CSMD3: variants seen among roughly 807,000 people sequenced by gnomAD.
The protein encoded by CSMD3 is CUB and sushi domain-containing protein 3.
A neutral mutation model predicts 435.2 loss-of-function variants in CSMD3; 177 were observed. That is an observed-to-expected ratio of 0.41 (90% confidence interval 0.36 to 0.46). The LOEUF (loss-of-function observed/expected upper bound fraction) is 0.46. Among genes scored for constraint, CSMD3 ranks in the 20% least tolerant of loss-of-function variants. The pLI is 0.34. For synonymous variants in CSMD3, 1,656 were observed against 1,520.5 expected (o/e 1.09, Z -2.07); for missense variants, 4,265 against 4,504.6 (o/e 0.95, Z 1.52).
intron 32 of CSMD3, among the ~76,000 whole-genome samples, chr8:112,467,631 A>G (rs538098546): frequency 6.6e-6 from 1 of 152,180 alleles, no homozygotes; most frequent in African/African-American, 2.4e-5. Context: ...GGGATTTTGC[A>G]GATGTGATTA....
intron 35 of CSMD3, among the ~76,000 whole-genome samples, chr8:112,391,350 T>C (rs1005258953): frequency 2.0e-5 from 3 of 152,140 alleles, no homozygotes; most frequent in Non-Finnish European, 2.9e-5. Context: ...ATTCTACAGC[T>C]GAGGCAATCA....
Position 112,545,429 on chromosome 8 carries a change from C to G in CSMD3, c.4564+5242G>C, listed in dbSNP as rs190579985. Reference sequence around the variant, plus strand: ...GCCCGGGAGGTGTAGGTTGCAGTGACCCAAGATCGTGCCACTGCACTCCAG... The same window carrying G: ...GCCCGGGAGGTGTAGGTTGCAGTGAGCCAAGATCGTGCCACTGCACTCCAG... On this transcript the variant is annotated intron_variant, in intron 27 of 70. Transcript: ENST00000297405. 4.2e-3 allele frequency among the ~76,000 whole-genome samples: 570 copies of G among 135,870 alleles called. 1 individual carries two copies. Among genetic ancestry groups the G allele is most frequent in the African/African-American group, 0.015 (543 of 35,550 alleles). The allele number at this position is 135,870 out of a possible 152,430, so 89.1% of individuals were successfully genotyped here. A position where few individuals can be genotyped will look rare whatever the true frequency, so the allele number is the denominator to read the frequency against.
At chr8:113,114,246 G>T (rs2090755564) in intron 4 of CSMD3, among the ~76,000 whole-genome samples, 1 of 152,146 alleles carries the variant, frequency 6.6e-6, no homozygotes, top group East Asian at 1.9e-4. Context: ...GGAAGCCACT[G>T]CTGAACTTAG....
chr8:112,949,994 T>A (rs961390278), intron 8 of CSMD3, among the ~76,000 whole-genome samples: 3 of 152,018 alleles, frequency 2.0e-5, no homozygotes, highest in South Asian at 2.1e-4. Context: ...ATTTTTTCCA[T>A]GTTATTCTAA....
chr8:112,763,921 C>T (rs2077910290), intron 13 of CSMD3, among the ~76,000 whole-genome samples: 1 of 151,138 alleles, frequency 6.6e-6, no homozygotes, highest in Non-Finnish European at 1.5e-5. Context: ...AGCTCCATAT[C>T]TAAAAAATTC....
rs116916726 is a variant in CSMD3 at position 112,928,105 on chromosome 8, T to C, written c.1509-6354A>G. Among the ~76,000 whole-genome samples, 146 of 152,286 alleles carry C rather than the reference T, an allele frequency of 9.6e-4. 4 individuals carry two copies. In the East Asian group the frequency reaches 0.026, roughly 28 times the overall value. On this transcript the variant is annotated intron_variant, in intron 9 of 70. Transcript: ENST00000297405. ...TACATCCTTCTTCTTGTAGATTTACTTCCTCTACTTATATACTTCTATGAA... is the reference window on the plus strand; with the variant it reads ...TACATCCTTCTTCTTGTAGATTTACCTCCTCTACTTATATACTTCTATGAA...
Position 112,689,888 on chromosome 8 carries a change from G to T in CSMD3, c.2135C>A (p.Ala712Glu), listed in dbSNP as rs773031715. ...CTCACAGATACAGATGGGTATGTTT[G>T]CAGACCATTGGTTATTCTCTTGACA... ...IVCQENNQWS[A>E]NIPICIFPCL... Residue 712 changes from alanine (A) to glutamate (E), a missense_variant, in exon 14 of 71, where the codon GCA becomes GAA. Around this residue, in one of 3 missense-constraint regions of CSMD3, gnomAD observed 279 missense variants for 369.0 expected, o/e 0.76. Transcript: ENST00000297405. The T allele has an allele frequency of 3.1e-6, 5 of 1,613,172 alleles. No homozygotes were observed. The South Asian group carries it at 4.4e-5, about 14-fold the overall frequency.
At chr8:112,285,341 C>G (rs1479869319) in intron 58 of CSMD3, among the ~76,000 whole-genome samples, 1 of 152,072 alleles carries the variant, frequency 6.6e-6, no homozygotes, top group Non-Finnish European at 1.5e-5. Flanking sequence ...AGTTTAGTCT[C>G]TCTTACTGTA....
In CSMD3 at chr8:112,552,619, C is replaced by T. The variant is rs1186599751; in HGVS notation, c.4336G>A (p.Glu1446Lys). ...DNNLRCMWMI[E>K]VDPGNIVSLQ... The stretch of plus-strand genomic sequence containing the variant: ...CTGACAATATTTCCAGGATCTACCT[C>T]AATCATCCACATGCAACGCAGGTTA... The change falls in exon 26 of 71, where the codon GAG (glutamate) becomes AAG (lysine). Residue 1446 changes from glutamate (E) to lysine (K), a missense_variant. By Grantham distance (56) the Glu-to-Lys change is moderately conservative. Around this residue, in one of 3 missense-constraint regions of CSMD3, gnomAD observed 3,255 missense variants for 3,380.2 expected, o/e 0.96. Transcript: ENST00000297405. 3 of 1,612,290 alleles carry T rather than the reference C, an allele frequency of 1.9e-6. No homozygotes were observed. Among genetic ancestry groups the T allele is most frequent in the Non-Finnish European group, 2.5e-6 (3 of 1,178,956 alleles).
intron 8 of CSMD3, among the ~76,000 whole-genome samples, chr8:112,950,381 C>G (rs1392953989): frequency 6.6e-6 from 1 of 151,704 alleles, no homozygotes; most frequent in East Asian, 1.9e-4. Context: ...TGACTTAAGC[C>G]TAACTACTTT....
chr8:113,081,908 G>A (rs1242571213), intron 5 of CSMD3, among the ~76,000 whole-genome samples: 1 of 152,112 alleles, frequency 6.6e-6, no homozygotes, highest in East Asian at 1.9e-4. Flanking sequence ...CAGATCCTGA[G>A]AGCCACGTAC....
chr8:112,776,079 A>G (rs1352384660), intron 13 of CSMD3, among the ~76,000 whole-genome samples: 1 of 151,836 alleles, frequency 6.6e-6, no homozygotes, highest in African/African-American at 2.4e-5. Flanking sequence ...AGGAGAAAAT[A>G]GATTTTTCAG....
intron 13 of CSMD3, among the ~76,000 whole-genome samples, chr8:112,716,685 G>T (rs1182907262): frequency 6.6e-6 from 1 of 152,082 alleles, no homozygotes; most frequent in African/African-American, 2.4e-5. Flanking sequence ...ATACTACAAG[G>T]CTACGATTAC....
chr8:112,525,044 T>C (rs896425839), intron 27 of CSMD3, among the ~76,000 whole-genome samples: 2 of 151,974 alleles, frequency 1.3e-5, no homozygotes, highest in Admixed American at 6.5e-5. Flanking sequence ...TCATAAGCCA[T>C]ACTATTTTTA....
chr8:112,972,309 A>G (rs1354779297), intron 7 of CSMD3, among the ~76,000 whole-genome samples: 1 of 151,904 alleles, frequency 6.6e-6, no homozygotes, highest in Non-Finnish European at 1.5e-5. Flanking sequence ...CATCGAACGG[A>G]CCTATGCTAT....
intron 3 of CSMD3, among the ~76,000 whole-genome samples, chr8:113,193,727 T>TGA (rs2131993656): frequency 6.6e-6 from 1 of 151,580 alleles, no homozygotes; most frequent in African/African-American, 2.4e-5. Context: ...AAATAAACTA[T>TGA]GATGTGGACA....
At chr8:112,962,050 T>G (rs2084251412) in intron 7 of CSMD3, among the ~76,000 whole-genome samples, 1 of 151,944 alleles carries the variant, frequency 6.6e-6, no homozygotes, top group Non-Finnish European at 1.5e-5. Flanking sequence ...TGCCCTTAAT[T>G]TAATTGTTTT....
At chr8:112,427,660 T>C (rs939119675) in intron 32 of CSMD3, among the ~76,000 whole-genome samples, 1 of 152,198 alleles carries the variant, frequency 6.6e-6, no homozygotes, top group Admixed American at 6.6e-5. Context: ...TCAACATTTA[T>C]GATGACCTAC....
chr8:113,213,139 A>G (rs2092859237), intron 3 of CSMD3, among the ~76,000 whole-genome samples: 1 of 152,050 alleles, frequency 6.6e-6, no homozygotes, highest in African/African-American at 2.4e-5. Context: ...GAAAACCAAG[A>G]TAGATTTTAG....
Sources: gnomAD v4.1 joint callset for allele counts (sites outside exome capture counted in the v4.1 genomes callset) on GRCh38, gnomAD v4.1.1 for gene constraint, gnomAD v4.1.1 regional missense constraint, MANE v1.5 for transcripts, NCBI Gene and HGNC (gene_info 2026-07-23, HGNC 2026-07-21) for gene names.